The following LRCH1 variants were observed in gnomAD, a reference collection of about 807,000 sequenced individuals.
LRCH1 encodes the protein leucine-rich repeat and calponin homology domain-containing protein 1.
LRCH1 carries 23 observed loss-of-function variants against 94.9 expected under a neutral mutation model. The observed-to-expected ratio is 0.24, with a 90% confidence interval of 0.17 to 0.34. LRCH1 has a LOEUF of 0.34. Ranked by LOEUF, LRCH1 falls within the 10% of genes least tolerant of loss-of-function variation. The probability of loss-of-function intolerance (pLI) is 1.00; values close to 1 mark genes in which losing one functional copy is unlikely to be tolerated. For missense variants in LRCH1, 790 were observed against 945.9 expected, an observed-to-expected ratio of 0.84 and a Z score of 2.16; for synonymous variants, 364 against 354.9, an observed-to-expected ratio of 1.03 and a Z score of -0.29.
At chr13:46,621,516 T>G (rs934374118) in intron 1 of LRCH1, among the ~76,000 whole-genome samples, 1 of 152,168 alleles carries the variant, frequency 6.6e-6, no homozygotes, top group Non-Finnish European at 1.5e-5. Context: ...CTTAATGGGT[T>G]AATTGCAGTG....
rs1330977389 is a variant in LRCH1 at position 46,583,764 on chromosome 13, A to T, written c.307+30061A>T. 6.6e-4 allele frequency among the ~76,000 whole-genome samples: 94 copies of T among 142,962 alleles called. 1 individual carries two copies. Among genetic ancestry groups the T allele is most frequent in the Admixed American group, 1.0e-3 (15 of 14,410 alleles). 93.8% of individuals were successfully genotyped at this position (142,962 alleles called of 152,430 possible). A position where few individuals can be genotyped will look rare whatever the true frequency, so the allele number is the denominator to read the frequency against. Reference sequence around the variant, plus strand: ...CTTGTTTCAGCTACGGAATTTTTCTATTTTTTTTTTTTTTGAGACAGTGTG... The same window carrying T: ...CTTGTTTCAGCTACGGAATTTTTCTTTTTTTTTTTTTTTTGAGACAGTGTG... On this transcript the variant is annotated intron_variant, in intron 1 of 19. Transcript: ENST00000389797.
At chr13:46,677,431 A>G (rs2051692860) in intron 3 of LRCH1, among the ~76,000 whole-genome samples, 2 of 152,194 alleles carry the variant, frequency 1.3e-5, no homozygotes, top group South Asian at 4.1e-4. Flanking sequence ...CAATGTCTCA[A>G]AACAAAACAA....
chr13:46,664,057 C>G (rs1234735268), intron 2 of LRCH1, among the ~76,000 whole-genome samples: 2 of 152,132 alleles, frequency 1.3e-5, no homozygotes, highest in Non-Finnish European at 2.9e-5. Flanking sequence ...TCTTGGTTAT[C>G]CAGATTGGAA....
chr13:46,576,965 C>G (rs1015570683), intron 1 of LRCH1, among the ~76,000 whole-genome samples: 6 of 152,146 alleles, frequency 3.9e-5, no homozygotes, highest in African/African-American at 7.2e-5. Context: ...GCTTGGAGTC[C>G]TTTTCCAAGC....
At chr13:46,711,752 T>C (rs752619304) in intron 13 of LRCH1, 39 bp from the exon 14 acceptor site, 1 of 1,549,562 alleles carries the variant, frequency 6.5e-7, no homozygotes, top group Non-Finnish European at 8.9e-7. Flanking sequence ...AGTTTCACAG[T>C]CTAATGGAAC....
intron 9 of LRCH1, among the ~76,000 whole-genome samples, chr13:46,695,329 C>A (rs994715227): frequency 3.9e-5 from 6 of 152,322 alleles, no homozygotes; most frequent in African/African-American, 1.4e-4. Context: ...GTTTCACATT[C>A]TTTTCAACAT....
chr13:46,705,210 C>T, intron 12 of LRCH1, 53 bp downstream of exon 12: 2 of 1,585,408 alleles, frequency 1.3e-6, no homozygotes, highest in Non-Finnish European at 1.7e-6. Context: ...AATACATTGA[C>T]ATTTCTATGC....
chr13:46,681,611 C>T (rs2051751551), intron 3 of LRCH1, 130 bp from the exon 4 acceptor site: 2 of 698,220 alleles, frequency 2.9e-6, no homozygotes, highest in Non-Finnish European at 5.2e-6. Context: ...ATGCTAGGGA[C>T]CTGGAGATGA....
At chr13:46,616,728 C>T (rs1594288810) in intron 1 of LRCH1, among the ~76,000 whole-genome samples, 2 of 152,230 alleles carry the variant, frequency 1.3e-5, no homozygotes, top group East Asian at 3.8e-4. Context: ...TGTGAAGAGA[C>T]CACCAAACAG....
At chr13:46,735,069 G>T (rs1873304166) in intron 19 of LRCH1, among the ~76,000 whole-genome samples, 1 of 151,844 alleles carries the variant, frequency 6.6e-6, no homozygotes, top group Non-Finnish European at 1.5e-5. Context: ...CATCTTATTT[G>T]AGGAAAAGGA....
intron 2 of LRCH1, among the ~76,000 whole-genome samples, chr13:46,653,975 T>A (rs1310680030): frequency 6.6e-6 from 1 of 152,240 alleles, no homozygotes; most frequent in Non-Finnish European, 1.5e-5. Context: ...CTTCTAGGAA[T>A]TGGACCCTTG....
At chr13:46,686,322 A>G (rs1870613179) in intron 5 of LRCH1, among the ~76,000 whole-genome samples, 1 of 152,220 alleles carries the variant, frequency 6.6e-6, no homozygotes, top group Non-Finnish European at 1.5e-5. Context: ...TCTCATGTTA[A>G]TAGACTGAGT....
intron 1 of LRCH1, among the ~76,000 whole-genome samples, chr13:46,623,202 A>C (rs535380951): frequency 2.0e-5 from 3 of 152,086 alleles, no homozygotes; most frequent in Non-Finnish European, 4.4e-5. Flanking sequence ...GTTTAGTGCA[A>C]TCCTGCCTCA....
At chr13:46,663,446 G>A (rs552241015) in intron 2 of LRCH1, among the ~76,000 whole-genome samples, 71 of 152,256 alleles carry the variant, frequency 4.7e-4, no homozygotes, top group African/African-American at 1.4e-3. Context: ...GGGAACCAGG[G>A]TGAGACATTT....
rs182473557 is a variant in LRCH1, at chr13:46,625,795, G to A, written c.308-24406G>A. On this transcript the variant is annotated intron_variant, in intron 1 of 19. Coordinates refer to ENST00000389797, the MANE Select transcript of LRCH1 (RefSeq NM_001164211.2). Reference sequence around the variant, plus strand: ...CAGCCTCCCAGGTAGCTGGGACCACGGGCCTGTGCCACCACGCCCAGCTTA... The same window carrying A: ...CAGCCTCCCAGGTAGCTGGGACCACAGGCCTGTGCCACCACGCCCAGCTTA... Among the ~76,000 whole-genome samples the A allele has an allele frequency of 1.3e-3, 199 of 151,890 alleles. 1 individual carries two copies. The highest frequency in any genetic ancestry group is 7.1e-3 in the South Asian group (34 of 4,802).
intron 1 of LRCH1, among the ~76,000 whole-genome samples, chr13:46,629,420 T>C (rs2050992195): frequency 6.6e-6 from 1 of 152,218 alleles, no homozygotes; most frequent in South Asian, 2.1e-4. Flanking sequence ...ATAAGCACAA[T>C]GAATACCTCT....
intron 1 of LRCH1, among the ~76,000 whole-genome samples, chr13:46,611,438 C>T (rs1449045615): frequency 1.3e-5 from 2 of 152,074 alleles, no homozygotes; most frequent in African/African-American, 4.8e-5. Context: ...AGTACTATAG[C>T]CAATAGAGAT....
intron 1 of LRCH1, among the ~76,000 whole-genome samples, chr13:46,578,062 A>C (rs779419282): frequency 2.6e-5 from 4 of 152,196 alleles, no homozygotes; most frequent in Non-Finnish European, 5.9e-5. Flanking sequence ...TTGCTCCCTT[A>C]TAATCACAGG....
At chr13:46,727,287 G>T (rs754211701) in intron 17 of LRCH1, among the ~76,000 whole-genome samples, 2 of 152,288 alleles carry the variant, frequency 1.3e-5, no homozygotes, top group East Asian at 1.9e-4. Context: ...ATAAAGGAAA[G>T]AACTGGAATG....
Sources: allele counts gnomAD v4.1 joint callset (sites outside exome capture counted in the v4.1 genomes callset), GRCh38; gene constraint gnomAD v4.1.1; transcripts MANE v1.5; gene names NCBI Gene and HGNC (gene_info 2026-07-23, HGNC 2026-07-21).